The following SH2D4B variants were observed in gnomAD, a reference collection of about 807,000 sequenced individuals.
SH2D4B encodes SH2 domain-containing protein 4B.
In SH2D4B, 45 loss-of-function variants were observed where a neutral mutation model predicts 61.5. The observed-to-expected ratio is 0.73, with a 90% CI of 0.58 to 0.94. The LOEUF (loss-of-function observed/expected upper bound fraction) is 0.94. Among genes scored for constraint, SH2D4B ranks in the 40% least tolerant of loss-of-function variants. The pLI, the probability that SH2D4B is intolerant of heterozygous loss-of-function variation, is 0.00. For synonymous variants in SH2D4B, 224 were observed against 220.4 expected, an observed-to-expected ratio of 1.02 and a Z score of -0.14; for missense variants, 572 against 574.2, an observed-to-expected ratio of 1.00 and a Z score of 0.04.
intron 6 of SH2D4B, among the ~76,000 whole-genome samples, chr10:80,629,029 C>CA (rs55766810): frequency 0.82 from 111,443 of 135,330 alleles, 45,954 homozygotes; most frequent in East Asian, 0.96. Context: ...GACTCTATCT[C>CA]AAAAAAAAAA....
chr10:80,571,827 C>T (rs1268651213), intron 3 of SH2D4B, among the ~76,000 whole-genome samples: 1 of 144,464 alleles, frequency 6.9e-6, no homozygotes, highest in African/African-American at 2.6e-5. Context: ...GGCTGGAGTG[C>T]AGTGGCGCAG....
intron 6 of SH2D4B, among the ~76,000 whole-genome samples, chr10:80,623,060 G>A (rs868444592): frequency 5.3e-5 from 8 of 152,122 alleles, no homozygotes; most frequent in South Asian, 2.1e-4. Flanking sequence ...GATTACAGGC[G>A]TGTGCCACCA....
chr10:80,618,657 G>C (rs1404238737), intron 6 of SH2D4B, among the ~76,000 whole-genome samples: 1 of 152,172 alleles, frequency 6.6e-6, no homozygotes, highest in Admixed American at 6.5e-5. Context: ...AAATAGCTAA[G>C]TGGTAATGGA....
At chr10:80,540,568 C>T (rs955167442) in intron 1 of SH2D4B, among the ~76,000 whole-genome samples, 11 of 152,324 alleles carry the variant, frequency 7.2e-5, no homozygotes, top group African/African-American at 2.6e-4. Flanking sequence ...CCAGCTGCTA[C>T]ATCTCATGAC....
intron 4 of SH2D4B, among the ~76,000 whole-genome samples, chr10:80,596,911 C>T (rs1463209187): frequency 1.3e-5 from 2 of 152,016 alleles, no homozygotes; most frequent in East Asian, 1.9e-4. Context: ...GCTTGGCCTT[C>T]GGTATTCTTG....
intron 5 of SH2D4B, among the ~76,000 whole-genome samples, chr10:80,604,677 A>C (rs976646806): frequency 1.3e-5 from 2 of 151,886 alleles, no homozygotes; most frequent in African/African-American, 4.8e-5. Flanking sequence ...TTTCTTGTCA[A>C]GTATAAGATT....
intron 1 of SH2D4B, among the ~76,000 whole-genome samples, chr10:80,567,047 A>T (rs762170726): frequency 1.3e-5 from 2 of 152,198 alleles, no homozygotes; most frequent in Non-Finnish European, 2.9e-5. Flanking sequence ...ACTATTTCAC[A>T]GTTTGATGTG....
At chr10:80,545,508 C>A (rs180955077) in intron 1 of SH2D4B, among the ~76,000 whole-genome samples, 12 of 151,858 alleles carry the variant, frequency 7.9e-5, no homozygotes, top group Non-Finnish European at 1.6e-4. Context: ...TCTTCTTCTT[C>A]CTCTCCTCCT....
chr10:80,571,796 C>T (rs1431471331), intron 3 of SH2D4B, among the ~76,000 whole-genome samples: 2 of 135,414 alleles, frequency 1.5e-5, no homozygotes, highest in Admixed American at 7.9e-5. Context: ...TTTTTTGAGA[C>T]GGAGTCTTGC....
intron 5 of SH2D4B, 118 bp from the exon 6 acceptor site, chr10:80,609,306 T>G (rs1471891999): frequency 1.3e-4 from 38 of 294,440 alleles, no homozygotes; most frequent in Non-Finnish European, 1.4e-4. Context: ...CCACCCCCCC[T>G]TCCTCCTCCT....
At chr10:80,567,534 A>G (rs1841985712) in intron 1 of SH2D4B, among the ~76,000 whole-genome samples, 2 of 152,190 alleles carry the variant, frequency 1.3e-5, no homozygotes, top group South Asian at 4.1e-4. Flanking sequence ...CTGAGAAGAC[A>G]TATCATTTAA....
intron 1 of SH2D4B, among the ~76,000 whole-genome samples, chr10:80,565,364 C>T (rs542349264): frequency 1.4e-5 from 2 of 143,522 alleles, no homozygotes; most frequent in East Asian, 4.6e-4. Flanking sequence ...TACCCTCTAT[C>T]TCCATGAAGA....
At chr10:80,618,904 G>A (rs1037502362) in intron 6 of SH2D4B, among the ~76,000 whole-genome samples, 2 of 152,268 alleles carry the variant, frequency 1.3e-5, no homozygotes, top group South Asian at 2.1e-4. Context: ...CAGAATTCTG[G>A]GTTGGCTTTG....
chr10:80,576,945 T>A (rs73307172), intron 3 of SH2D4B, among the ~76,000 whole-genome samples: 8,501 of 152,118 alleles, frequency 0.056, 611 homozygotes, highest in East Asian at 0.32. Flanking sequence ...TTTTTGTAGT[T>A]TTAGTAGAGA....
intron 1 of SH2D4B, among the ~76,000 whole-genome samples, chr10:80,553,548 C>A (rs1234633445): frequency 5.3e-5 from 8 of 152,162 alleles, no homozygotes; most frequent in African/African-American, 9.7e-5. Flanking sequence ...TCCTGCTACA[C>A]GTGGGGCATC....
intron 1 of SH2D4B, chr10:80,540,840 A>G (rs1313292411): frequency 3.1e-5 from 48 of 1,550,936 alleles, no homozygotes; most frequent in Non-Finnish European, 1.1e-5. Context: ...GCCGTGTCCC[A>G]GGGCGGGAAT....
At position 80,645,970 on chromosome 10, in the gene SH2D4B, G is replaced by A. The variant is rs372657038; in HGVS notation, c.*1885G>A. On this transcript the variant is annotated 3_prime_UTR_variant, in exon 8 of 8. Transcript: ENST00000646907. ...ATTGCCTTATTTCTATGGACTCAGA[G>A]GAATGATGTTTTAGTTTTGGCTCTC... 3 of 152,204 alleles carry A rather than the reference G, an allele frequency of 2.0e-5. No homozygotes were observed. The highest frequency in any genetic ancestry group is 2.0e-4 in the Admixed American group (3 of 15,262). 9.4% of individuals were successfully genotyped at this position (152,204 alleles called of 1,614,324 possible).
intron 6 of SH2D4B, among the ~76,000 whole-genome samples, chr10:80,614,629 G>A (rs887548075): frequency 2.0e-5 from 3 of 152,336 alleles, no homozygotes; most frequent in East Asian, 1.9e-4. Flanking sequence ...GATGGCTAGC[G>A]AACCCCCCAG....
At chr10:80,577,433 T>C (rs1180608826) in intron 3 of SH2D4B, among the ~76,000 whole-genome samples, 1 of 151,778 alleles carries the variant, frequency 6.6e-6, no homozygotes, top group East Asian at 1.9e-4. Flanking sequence ...ATTTTCTGTT[T>C]TTTTTTTTTT....
Sources: gnomAD v4.1 joint callset for allele counts (sites outside exome capture counted in the v4.1 genomes callset) on GRCh38, gnomAD v4.1.1 for gene constraint, MANE v1.5 for transcripts, NCBI Gene and HGNC (gene_info 2026-07-23, HGNC 2026-07-21) for gene names.